The following NBAS variants were observed in gnomAD, a reference collection of about 807,000 sequenced individuals.
NBAS encodes the protein NAG/BC035112 fusion.
Under a neutral mutation model 302.5 loss-of-function variants are expected in NBAS, and 219 were observed. The observed-to-expected ratio is 0.72, with a 90% CI of 0.65 to 0.81. The LOEUF (loss-of-function observed/expected upper bound fraction) is 0.81, where lower values mean the gene tolerates loss of function less well. NBAS is among the 30% of genes least tolerant of loss of function. The pLI, the probability that NBAS is intolerant of heterozygous loss-of-function variation, is 0.00. For missense variants in NBAS, 2,932 were observed against 2,841.6 expected (o/e 1.03, Z -0.72); for synonymous variants, 1,118 against 1,021.6 (o/e 1.09, Z -1.80).
chr2:15,004,806 A>G, the NBAS span, among the ~76,000 whole-genome samples: 13 of 151,424 alleles, frequency 8.6e-5, no homozygotes, highest in East Asian at 1.4e-3. Context: ...TACCAGACCC[A>G]GCAACAGTTA....
intron 40 of NBAS, among the ~76,000 whole-genome samples, chr2:15,297,464 C>T (rs1361601115): frequency 6.6e-6 from 1 of 152,132 alleles, no homozygotes; most frequent in African/African-American, 2.4e-5. Context: ...GCAGACTTCC[C>T]CCCTTGCTGT....
intron 48 of NBAS, among the ~76,000 whole-genome samples, chr2:15,197,340 C>A (rs1234889114): frequency 1.3e-5 from 2 of 152,188 alleles, no homozygotes; most frequent in African/African-American, 4.8e-5. Flanking sequence ...CTACCCCTTG[C>A]CACTTATTAC....
chr2:15,215,312 T>C (rs924078561), intron 48 of NBAS, among the ~76,000 whole-genome samples: 1 of 152,092 alleles, frequency 6.6e-6, no homozygotes, highest in African/African-American at 2.4e-5. Flanking sequence ...ACCAGTGAGG[T>C]AGCAAGAACC....
chr2:15,124,801 T>G, the NBAS span, among the ~76,000 whole-genome samples: 2 of 152,326 alleles, frequency 1.3e-5, no homozygotes, highest in East Asian at 1.9e-4. Flanking sequence ...GTGCACAGAA[T>G]GCAAAGCATG....
At chr2:15,483,126 T>A (rs1224010597) in intron 12 of NBAS, 1 of 154,184 alleles carries the variant, frequency 6.5e-6, no homozygotes, top group African/African-American at 2.4e-5. Context: ...TATAATGAAA[T>A]CCCTGCCTCC....
In NBAS at chr2:15,315,638, G is replaced by GA. The variant is rs574475434; in HGVS notation, c.4583-6392dup. On this transcript the variant is annotated intron_variant, in intron 38 of 51. Transcript: ENST00000281513. ...TGGCCTCCCAGCTGCTTCAAGACTG[G>GA]AAAAATCCCAGGCATCAAGTATACC... 3.1e-3 allele frequency among the ~76,000 whole-genome samples: 472 copies of GA among 152,274 alleles called. 3 individuals are homozygous for GA. The highest frequency in any genetic ancestry group is 0.011 in the African/African-American group (444 of 41,554).
At chr2:15,128,457 T>C in the NBAS span, among the ~76,000 whole-genome samples, 6 of 152,178 alleles carry the variant, frequency 3.9e-5, no homozygotes, top group Non-Finnish European at 7.3e-5. Context: ...TCACAAGATA[T>C]TCACAGTTCA....
At position 15,440,831 on chromosome 2, in the gene NBAS, G is replaced by T. The variant is rs558629510; in HGVS notation, c.2340-13037C>A. Among the ~76,000 whole-genome samples, 905 of 152,044 alleles carry T rather than the reference G, an allele frequency of 6.0e-3. 14 individuals carry two copies. The highest frequency in any genetic ancestry group is 0.02 in the African/African-American group (817 of 41,422). On this transcript the variant is annotated intron_variant, in intron 21 of 51. Coordinates refer to ENST00000281513, the MANE Select transcript of NBAS (RefSeq NM_015909.4). The stretch of plus-strand genomic sequence containing the variant: ...CTTAAAGGAGCTGATGGAGCTGAAA[G>T]CCAAGGCTGGAGAACTACGTGAAGA...
chr2:14,842,432 T>TA, the NBAS span, among the ~76,000 whole-genome samples: 1 of 151,626 alleles, frequency 6.6e-6, no homozygotes, highest in Non-Finnish European at 1.5e-5. Context: ...TTAGACTAAC[T>TA]AAAAAAATGA....
chr2:14,929,472 G>A, the NBAS span, among the ~76,000 whole-genome samples: 1 of 152,202 alleles, frequency 6.6e-6, no homozygotes, highest in African/African-American at 2.4e-5. Context: ...CCACCTCCTG[G>A]GTTCAAGCGA....
chr2:15,163,085 C>A (rs2125089868), downstream of NBAS, among the ~76,000 whole-genome samples: 1 of 152,342 alleles, frequency 6.6e-6, no homozygotes, highest in Admixed American at 6.5e-5. Context: ...GGGAAAACGA[C>A]CTCCACTCCA....
At chr2:15,391,385 A>G (rs532000901) in intron 28 of NBAS, among the ~76,000 whole-genome samples, 120 of 152,232 alleles carry the variant, frequency 7.9e-4, no homozygotes, top group African/African-American at 2.5e-3. Flanking sequence ...GATTAAAAAA[A>G]AAACTCTTAA....
At chr2:15,334,804 G>A (rs1178327199) in intron 35 of NBAS, among the ~76,000 whole-genome samples, 1 of 152,140 alleles carries the variant, frequency 6.6e-6, no homozygotes, top group African/African-American at 2.4e-5. Flanking sequence ...TCAAATGACT[G>A]TATGGTTTAA....
intron 47 of NBAS, among the ~76,000 whole-genome samples, chr2:15,229,828 TA>T (rs1278271405): frequency 6.6e-6 from 1 of 150,864 alleles, no homozygotes; most frequent in Non-Finnish European, 1.5e-5. Flanking sequence ...AAAAATGGCA[TA>T]AATTGCTTAA....
At chr2:15,475,560 T>TA in intron 14 of NBAS, 127 bp downstream of exon 14, 2 of 979,958 alleles carry the variant, frequency 2.0e-6, no homozygotes, top group Non-Finnish European at 3.0e-6. Context: ...CTACAACCAT[T>TA]ACCTGATTCC....
At chr2:15,009,415 C>A in the NBAS span, among the ~76,000 whole-genome samples, 1 of 151,620 alleles carries the variant, frequency 6.6e-6, no homozygotes, top group South Asian at 2.1e-4. Context: ...AAAAAGTCTC[C>A]AATTTTCAAA....
the NBAS span, among the ~76,000 whole-genome samples, chr2:15,131,598 A>T: frequency 0.046 from 6,993 of 152,236 alleles, 430 homozygotes; most frequent in East Asian, 0.26. Flanking sequence ...TTTTTTTAAA[A>T]TTTTATTATT....
chr2:15,193,557 A>G (rs976952691), intron 48 of NBAS, among the ~76,000 whole-genome samples: 1 of 152,208 alleles, frequency 6.6e-6, no homozygotes, highest in Non-Finnish European at 1.5e-5. Flanking sequence ...ACGAATGTTA[A>G]TATTATCTTC....
chr2:15,495,777 AG>A (rs1463197661), intron 11 of NBAS, among the ~76,000 whole-genome samples: 1 of 152,182 alleles, frequency 6.6e-6, no homozygotes, highest in East Asian at 1.9e-4. Flanking sequence ...CTAGAATAAA[AG>A]ATAATAACAA....
Sources: gnomAD v4.1 joint callset for allele counts (sites outside exome capture counted in the v4.1 genomes callset) on GRCh38, gnomAD v4.1.1 for gene constraint, MANE v1.5 for transcripts, NCBI Gene and HGNC (gene_info 2026-07-23, HGNC 2026-07-21) for gene names.